The following PCDHGA2 variants were observed in gnomAD, a reference collection of about 807,000 sequenced individuals.
The protein encoded by PCDHGA2 is protocadherin gamma subfamily A, 2.
Under a neutral mutation model 59.2 loss-of-function variants are expected in PCDHGA2, and 40 were observed. The observed-to-expected ratio is 0.68, with a 90% CI of 0.52 to 0.88. PCDHGA2 has a LOEUF of 0.88. PCDHGA2 is among the 40% of genes least tolerant of loss of function. The pLI is 0.00. For missense variants in PCDHGA2, 1,226 were observed against 1,204.0 expected, an observed-to-expected ratio of 1.02 and a Z score of -0.27; for synonymous variants, 560 against 526.0, an observed-to-expected ratio of 1.06 and a Z score of -0.89.
intron 1 of PCDHGA2, chr5:141,371,293 A>T (rs748951789): frequency 1.2e-6 from 2 of 1,614,006 alleles, no homozygotes; most frequent in Non-Finnish European, 1.7e-6. Context: ...AAAACGGGGG[A>T]ACTCACCACT....
intron 1 of PCDHGA2, chr5:141,345,447 T>C (rs371756712): frequency 6.8e-6 from 11 of 1,613,944 alleles, no homozygotes; most frequent in Non-Finnish European, 8.5e-6. Context: ...AGCCTCCATC[T>C]TCTCAGTGAC....
chr5:141,403,163 A>C, intron 1 of PCDHGA2: 1 of 1,614,052 alleles, frequency 6.2e-7, no homozygotes, highest in South Asian at 1.1e-5. Flanking sequence ...CTCTAGAGGT[A>C]GGACGCAGCT....
rs548299275 is a variant in PCDHGA2, at chr5:141,384,200, G to A, written c.2424+42805G>A. On this transcript the variant is annotated intron_variant, in intron 1 of 3. Coordinates refer to ENST00000394576, the MANE Select transcript of PCDHGA2 (RefSeq NM_018915.4). ...GATGGTGGAACTCCTCCCTTGTCCAGGGAAACTCACATATTCATGCAGGTG... is the reference window on the plus strand; with the variant it reads ...GATGGTGGAACTCCTCCCTTGTCCAAGGAAACTCACATATTCATGCAGGTG... 131 of 1,613,832 alleles carry A rather than the reference G, an allele frequency of 8.1e-5. 2 individuals are homozygous for A. The South Asian group carries it at 1.4e-3, about 17-fold the overall frequency.
chr5:141,438,581 TAC>T (rs2097976954), intron 1 of PCDHGA2, among the ~76,000 whole-genome samples: 6 of 49,834 alleles, frequency 1.2e-4, no homozygotes, highest in African/African-American at 7.2e-4. Flanking sequence ...TATACATACA[TAC>T]ATACATACAT....
intron 1 of PCDHGA2, among the ~76,000 whole-genome samples, chr5:141,480,451 T>G (rs2099519323): frequency 6.6e-6 from 1 of 152,136 alleles, no homozygotes; most frequent in African/African-American, 2.4e-5. Flanking sequence ...ATAATTATTT[T>G]TATTAGTTCC....
chr5:141,365,014 C>T (rs1763677567), intron 1 of PCDHGA2: 1 of 1,613,924 alleles, frequency 6.2e-7, no homozygotes, highest in African/African-American at 1.3e-5. Flanking sequence ...CCACGCACAT[C>T]CGTGTTACGG....
chr5:141,508,994 A>G (rs2099873731), intron 3 of PCDHGA2, among the ~76,000 whole-genome samples: 1 of 152,052 alleles, frequency 6.6e-6, no homozygotes, highest in South Asian at 2.1e-4. Flanking sequence ...CAGCTGGGGT[A>G]GGAGAGGAGG....
chr5:141,357,787 T>G lies in PCDHGA2; in HGVS notation c.2424+16392T>G, dbSNP rs1268213946. Reference sequence around the variant, plus strand: ...CCTTCCAATAATGATCAACAGTATTTACCACACAAAAATGTTGTTTATTAC... The same window carrying G: ...CCTTCCAATAATGATCAACAGTATTGACCACACAAAAATGTTGTTTATTAC... On this transcript the variant is annotated intron_variant, in intron 1 of 3. Coordinates refer to ENST00000394576, the MANE Select transcript of PCDHGA2 (RefSeq NM_018915.4). 7 of 844,904 alleles carry G rather than the reference T, an allele frequency of 8.3e-6. No homozygotes were observed. In the Admixed American group the frequency reaches 1.5e-4, roughly 18 times the overall value. 52.3% of individuals were successfully genotyped at this position (844,904 alleles called of 1,614,324 possible).
In PCDHGA2 at chr5:141,431,414, G is replaced by A. The variant is rs1184197093; in HGVS notation, c.2425-63393G>A. On this transcript the variant is annotated intron_variant, in intron 1 of 3. Coordinates refer to ENST00000394576, the MANE Select transcript of PCDHGA2 (RefSeq NM_018915.4). The surrounding 1 kb of genome is among the most constrained non-coding windows in gnomAD (Gnocchi z 4.8). ...GGTCCTTACGGCCTCCGACGGGGGC[G>A]ACCCGGTGCGCACAGGCACCGCGCG... The A allele has an allele frequency of 6.2e-7, 1 of 1,613,658 alleles. No homozygotes were observed. The highest frequency in any genetic ancestry group is 1.7e-5 in the Admixed American group (1 of 60,026).
chr5:141,396,439 T>C (rs1191341482), intron 1 of PCDHGA2: 1 of 152,138 alleles, frequency 6.6e-6, no homozygotes, highest in African/African-American at 2.4e-5. Flanking sequence ...GCAAACATGG[T>C]GAAACCCCGT....
intron 1 of PCDHGA2, chr5:141,345,257 A>T: frequency 6.2e-7 from 1 of 1,614,000 alleles, no homozygotes; most frequent in Non-Finnish European, 8.5e-7. Flanking sequence ...TGACGGCCAC[A>T]TCCCTGGACC....
At position 141,510,842 on chromosome 5, in the gene PCDHGA2, G is replaced by A. The variant is rs531098325; in HGVS notation, c.2573-105G>A. 8.7e-5 allele frequency: 138 copies of A among 1,590,280 alleles called. No homozygotes were observed. The African/African-American group carries it at 1.7e-3, about 19-fold the overall frequency. ...TATTCCCAGTGCTCAGCGTGGTCAA[G>A]GCCCAGGGTGCTGTATAGGCATTCA... On this transcript the variant is annotated intron_variant, in intron 3 of 3. Coordinates refer to ENST00000394576, the MANE Select transcript of PCDHGA2 (RefSeq NM_018915.4).
chr5:141,497,210 G>T (rs988856908), intron 2 of PCDHGA2, among the ~76,000 whole-genome samples: 1 of 28,140 alleles, frequency 3.6e-5, no homozygotes, highest in African/African-American at 1.1e-3. Context: ...TGAGTGTAAT[G>T]GGGGGGGGAA....
At chr5:141,504,306 G>A (rs2099837315) in intron 2 of PCDHGA2, among the ~76,000 whole-genome samples, 1 of 152,076 alleles carries the variant, frequency 6.6e-6, no homozygotes, top group South Asian at 2.1e-4. Context: ...AACACTCGGA[G>A]TTTCTAAAAG....
intron 2 of PCDHGA2, among the ~76,000 whole-genome samples, chr5:141,496,841 G>C (rs2099771828): frequency 6.6e-6 from 1 of 151,398 alleles, no homozygotes; most frequent in South Asian, 2.1e-4. Context: ...GAACTCATAG[G>C]CTTCCAGACC....
chr5:141,499,635 A>C (rs578081078), intron 2 of PCDHGA2, among the ~76,000 whole-genome samples: 16 of 152,136 alleles, frequency 1.1e-4, no homozygotes, highest in African/African-American at 3.6e-4. Context: ...CTTTTGAAGC[A>C]AATCTCAGAC....
intron 1 of PCDHGA2, among the ~76,000 whole-genome samples, chr5:141,488,289 TAAGTGAA>T (rs1389982829): frequency 6.6e-6 from 1 of 152,186 alleles, no homozygotes; most frequent in Non-Finnish European, 1.5e-5. Context: ...GAAAAAACAG[TAAGTGAA>T]ATCACTTATG....
At chr5:141,352,486 G>T in intron 1 of PCDHGA2, 1 of 1,614,000 alleles carries the variant, frequency 6.2e-7, no homozygotes, top group Non-Finnish European at 8.5e-7. Context: ...ACAGCGAGGG[G>T]ACTTTGCCCT....
At chr5:141,344,795 C>T (rs200798114) in intron 1 of PCDHGA2, 27 of 1,613,818 alleles carry the variant, frequency 1.7e-5, no homozygotes, top group Non-Finnish European at 2.3e-5. Context: ...TTTGGGAGAA[C>T]GTGCCTGTGG....
Sources: allele counts gnomAD v4.1 joint callset (sites outside exome capture counted in the v4.1 genomes callset), GRCh38; gene constraint gnomAD v4.1.1; non-coding constraint Gnocchi (gnomAD v3.1); transcripts MANE v1.5; gene names NCBI Gene and HGNC (gene_info 2026-07-23, HGNC 2026-07-21).